VCAN: variants seen among roughly 807,000 people sequenced by gnomAD.
VCAN encodes versican.
A neutral mutation model predicts 245.5 loss-of-function variants in VCAN; 44 were observed. The ratio of observed to expected loss-of-function variants is 0.18; its 90% CI spans 0.14 to 0.23. The LOEUF (loss-of-function observed/expected upper bound fraction) is 0.23, where lower values mean the gene tolerates loss of function less well. Among genes scored for constraint, VCAN ranks in the 10% least tolerant of loss-of-function variants. The pLI is 1.00. For missense variants in VCAN, 3,793 were observed against 4,057.9 expected (o/e 0.93, Z 1.77); for synonymous variants, 1,413 against 1,437.0 (o/e 0.98, Z 0.38).
In VCAN at chr5:83,535,890, A is replaced by G. The variant is rs564351249; in HGVS notation, c.4004-1117A>G. The G allele has an allele frequency of 2.6e-5, 4 of 152,182 alleles. No individual in the cohort carries two copies. In the East Asian group the frequency reaches 7.8e-4, roughly 29 times the overall value. 9.4% of individuals were successfully genotyped at this position (152,182 alleles called of 1,614,324 possible). A position where few individuals can be genotyped will look rare whatever the true frequency, so the allele number is the denominator to read the frequency against. ...AGTGTGTAAATTCTTTGTCTTCTTT[A>G]TGGGTCAGTATATCCACAGGCACAT... On this transcript the variant is annotated intron_variant, in intron 7 of 14. Coordinates refer to ENST00000265077, the MANE Select transcript of VCAN (RefSeq NM_004385.5).
chr5:83,556,754 T>G (rs991300431), intron 12 of VCAN, among the ~76,000 whole-genome samples: 3 of 152,164 alleles, frequency 2.0e-5, no homozygotes, highest in East Asian at 3.8e-4. Context: ...TTGAAGATAA[T>G]TTTGATCCTA....
chr5:83,484,412 G>A (rs573671084), intron 2 of VCAN, among the ~76,000 whole-genome samples: 3 of 149,384 alleles, frequency 2.0e-5, no homozygotes, highest in African/African-American at 4.9e-5. Flanking sequence ...ACATCTATCC[G>A]TGTATTCATC....
At chr5:83,498,358 AT>A (rs1561232270) in intron 5 of VCAN, among the ~76,000 whole-genome samples, 1 of 152,202 alleles carries the variant, frequency 6.6e-6, no homozygotes, top group East Asian at 1.9e-4. Context: ...TCATTTTTGT[AT>A]GCCCAATATG....
chr5:83,535,059 T>A (rs1383825344), intron 7 of VCAN, among the ~76,000 whole-genome samples: 2 of 152,106 alleles, frequency 1.3e-5, no homozygotes, highest in Non-Finnish European at 2.9e-5. Context: ...CATTTAATCA[T>A]TTTCCTGCAC....
rs1466509517 is a variant in VCAN at position 83,580,587 on chromosome 5, A to C, written c.*153A>C. On this transcript the variant is annotated 3_prime_UTR_variant, in exon 15 of 15. Transcript: ENST00000265077. Reference sequence around the variant, plus strand: ...GGTTGCCGTGCTCCCAAAACATTTTAAATGAAAGTATTGGCATTCAAAAAG... The same window carrying C: ...GGTTGCCGTGCTCCCAAAACATTTTCAATGAAAGTATTGGCATTCAAAAAG... 3.6e-6 allele frequency: 4 copies of C among 1,120,616 alleles called. No homozygotes were observed. The East Asian group carries it at 1.1e-4, about 30-fold the overall frequency. 69.4% of individuals were successfully genotyped at this position (1,120,616 alleles called of 1,614,324 possible). A position where few individuals can be genotyped will look rare whatever the true frequency, so the allele number is the denominator to read the frequency against.
Position 83,520,277 on chromosome 5 carries a change from T to G in VCAN, c.1971T>G (p.Pro657=). The change falls in exon 7 of 15, where the codon CCT becomes CCG. Residue 657 remains proline, a synonymous_variant. Coordinates refer to ENST00000265077, the MANE Select transcript of VCAN (RefSeq NM_004385.5). ...SQHRTEIELF[P]YSGDKILVEG... ...ATCGTACAGAAATAGAATTGTTTCC[T>G]TATTCTGGTGATAAAATATTAGTAG... 1 of 1,614,020 alleles carries G rather than the reference T, an allele frequency of 6.2e-7. No individual in the cohort carries two copies. The highest frequency in any genetic ancestry group is 8.5e-7 in the Non-Finnish European group (1 of 1,179,970).
At chr5:83,535,470 C>T (rs1746669100) in intron 7 of VCAN, 2 of 151,946 alleles carry the variant, frequency 1.3e-5, no homozygotes, top group East Asian at 1.9e-4. Context: ...GTCTTATTGT[C>T]TGGGTTTTTT....
At chr5:83,547,619 GGC>G (rs1747282922) in intron 9 of VCAN, among the ~76,000 whole-genome samples, 2 of 152,036 alleles carry the variant, frequency 1.3e-5, no homozygotes, top group African/African-American at 2.4e-5. Context: ...GGAAGGCTGG[GGC>G]TGTTGATTCT....
At position 83,572,438 on chromosome 5, in the gene VCAN, A is replaced by G. The variant is rs141195210; in HGVS notation, c.9758A>G (p.Asn3253Ser). 3.4e-4 allele frequency: 553 copies of G among 1,613,764 alleles called. 2 individuals are homozygous for G. The highest frequency in any genetic ancestry group is 4.5e-4 in the Non-Finnish European group (528 of 1,179,876). The change falls in exon 13 of 15, where the codon AAC becomes AGC. Residue 3253 changes from asparagine to serine, a missense_variant. Asn to Ser is a conservative substitution (Grantham distance 46). Transcript: ENST00000265077. ...CAGCAATACGAGAATTGGAGACCCAACCAGCCAGACAGCTTCTTTTCTGCT... is the reference window on the plus strand; with the variant it reads ...CAGCAATACGAGAATTGGAGACCCAGCCAGCCAGACAGCTTCTTTTCTGCT... The part of the protein sequence containing the change: ...STLQYENWRP[N>S]QPDSFFSAGE...
At chr5:83,574,378 G>A (rs903789883) in intron 13 of VCAN, among the ~76,000 whole-genome samples, 1 of 152,126 alleles carries the variant, frequency 6.6e-6, no homozygotes, top group Admixed American at 6.5e-5. Flanking sequence ...GCACCCATAT[G>A]CATGTTTTTA....
intron 5 of VCAN, 24 bp downstream of exon 5, chr5:83,493,955 C>A: frequency 6.2e-7 from 1 of 1,613,680 alleles, no homozygotes; most frequent in Non-Finnish European, 8.5e-7. Context: ...GTTTCTATAT[C>A]TTCGTATGAA....
intron 7 of VCAN, among the ~76,000 whole-genome samples, chr5:83,529,936 G>C (rs759622498): frequency 2.0e-5 from 3 of 152,014 alleles, no homozygotes; most frequent in African/African-American, 4.8e-5. Flanking sequence ...TTCTAAATAG[G>C]TAAAAGCCAA....
In VCAN at chr5:83,541,881, A is replaced by G; in HGVS notation, c.8878A>G (p.Ile2960Val). The G allele has an allele frequency of 6.2e-7, 1 of 1,614,102 alleles. No homozygotes were observed. The highest frequency in any genetic ancestry group is 8.5e-7 in the Non-Finnish European group (1 of 1,180,002). The change falls in exon 8 of 15, where the codon ATT becomes GTT. Residue 2960 changes from isoleucine to valine, a missense_variant. Around this residue, in one of 5 missense-constraint regions of VCAN, gnomAD observed 3,182 missense variants for 3,250.3 expected, o/e 0.98. Coordinates refer to ENST00000265077, the MANE Select transcript of VCAN (RefSeq NM_004385.5). ...TAAAACACCTGAGGCTGGAACTGTTATTACAACTGCCGATGAAATTGAATT... is the reference window on the plus strand; with the variant it reads ...TAAAACACCTGAGGCTGGAACTGTTGTTACAACTGCCGATGAAATTGAATT... ...TIKTPEAGTV[I>V]TTADEIELEG...
chr5:83,492,520 G>C (rs545353455), intron 3 of VCAN, among the ~76,000 whole-genome samples: 3 of 152,246 alleles, frequency 2.0e-5, no homozygotes, highest in African/African-American at 7.2e-5. Flanking sequence ...ATTTACCCCA[G>C]CTAAAAATGG....
Position 83,540,418 on chromosome 5 carries a change from C to A in VCAN, c.7415C>A (p.Pro2472Gln). Residue 2472 changes from proline (P) to glutamine (Q), a missense_variant, in exon 8 of 15, where the codon CCA becomes CAA. Pro to Gln is a moderately conservative substitution (Grantham distance 76). Around this residue, in one of 5 missense-constraint regions of VCAN, gnomAD observed 3,182 missense variants for 3,250.3 expected, o/e 0.98. Coordinates refer to ENST00000265077, the MANE Select transcript of VCAN (RefSeq NM_004385.5). ...TCCCTGGAAAAACATCCTGAGGTGCCAAGCGCTAAAGCTGTTACTGCTGAT... is the reference window on the plus strand; with the variant it reads ...TCCCTGGAAAAACATCCTGAGGTGCAAAGCGCTAAAGCTGTTACTGCTGAT... ...DGSLEKHPEV[P>Q]SAKAVTADGF... 6.2e-7 allele frequency: 1 copy of A among 1,613,992 alleles called. No individual in the cohort carries two copies. The highest frequency in any genetic ancestry group is 8.5e-7 in the Non-Finnish European group (1 of 1,179,946).
At chr5:83,561,150 G>A (rs191878123) in intron 12 of VCAN, among the ~76,000 whole-genome samples, 6 of 151,996 alleles carry the variant, frequency 3.9e-5, no homozygotes, top group Non-Finnish European at 5.9e-5. Flanking sequence ...GTCACACCCC[G>A]TGAGGCTGCT....
At chr5:83,489,269 TAGAG>T (rs1393720757) in intron 2 of VCAN, among the ~76,000 whole-genome samples, 1 of 152,172 alleles carries the variant, frequency 6.6e-6, no homozygotes, top group Admixed American at 6.5e-5. Context: ...GGCTGGAAGA[TAGAG>T]AGGAGAGTGG....
At position 83,539,495 on chromosome 5, in the gene VCAN, C is replaced by T. The variant is rs754038652; in HGVS notation, c.6492C>T (p.Tyr2164=). 3.7e-6 allele frequency: 6 copies of T among 1,613,752 alleles called. No individual in the cohort carries two copies. In the Admixed American group the frequency reaches 5.0e-5, roughly 13 times the overall value. Residue 2164 remains tyrosine, a synonymous_variant, in exon 8 of 15, where the codon TAC becomes TAT. Coordinates refer to ENST00000265077, the MANE Select transcript of VCAN (RefSeq NM_004385.5). Reference sequence around the variant, plus strand: ...CTGTACTAACAACAAAGAAAACTTACAGTGATGATAAAGAAATGAAGGAGG... The same window carrying T: ...CTGTACTAACAACAAAGAAAACTTATAGTGATGATAAAGAAATGAAGGAGG... The part of the protein sequence containing the change: ...DYSVLTTKKT[Y]SDDKEMKEED...
chr5:83,477,940 A>T (rs1354685506), intron 1 of VCAN, among the ~76,000 whole-genome samples: 1 of 150,754 alleles, frequency 6.6e-6, no homozygotes, highest in Non-Finnish European at 1.5e-5. Flanking sequence ...ACAAAAAAAA[A>T]TAATTTTTTT....
Sources: gnomAD v4.1 joint callset for allele counts (sites outside exome capture counted in the v4.1 genomes callset) on GRCh38, gnomAD v4.1.1 for gene constraint, gnomAD v4.1.1 regional missense constraint, MANE v1.5 for transcripts, NCBI Gene and HGNC (gene_info 2026-07-23, HGNC 2026-07-21) for gene names.